The following EDEM1 variants were observed in gnomAD, a reference collection of about 807,000 sequenced individuals.
EDEM1 encodes ER degradation enhancing alpha-mannosidase like protein 1, also known as ER degradation-enhancing alpha-mannosidase-like protein 1.
In EDEM1, 67 loss-of-function variants were observed where a neutral mutation model predicts 74.4. The ratio of observed to expected loss-of-function variants is 0.90; its 90% confidence interval spans 0.74 to 1.10. EDEM1 has a LOEUF of 1.10. Among genes scored for constraint, EDEM1 ranks in the 50% least tolerant of loss-of-function variants. The probability of loss-of-function intolerance (pLI) is 0.00; values close to 1 mark genes in which losing one functional copy is unlikely to be tolerated. For synonymous variants in EDEM1, 382 were observed against 335.9 expected (o/e 1.14, Z -1.50); for missense variants, 926 against 851.6 (o/e 1.09, Z -1.09).
In EDEM1 at chr3:5,208,266, A is replaced by G; in HGVS notation, c.1509+3A>G. 1 of 1,596,900 alleles carries G rather than the reference A, an allele frequency of 6.3e-7. No individual in the cohort carries two copies. The highest frequency in any genetic ancestry group is 8.5e-7 in the Non-Finnish European group (1 of 1,175,454). On this transcript the variant is annotated splice_donor_region_variant and intron_variant, in intron 8 of 11. Transcript: ENST00000256497. ...AATCCACATATCTCCTCTACCAGGT[A>G]CTAGAGTTGTGTTTTTTTTTTTTTC...
At chr3:5,196,092 C>A (rs1342461259) in intron 2 of EDEM1, among the ~76,000 whole-genome samples, 1 of 152,172 alleles carries the variant, frequency 6.6e-6, no homozygotes, top group Non-Finnish European at 1.5e-5. Context: ...CAGTCTAGCC[C>A]AAATGTTGTA....
chr3:5,187,788 C>A lies in EDEM1; in HGVS notation c.-18C>A. On this transcript the variant is annotated 5_prime_UTR_variant, in exon 1 of 12. Coordinates refer to ENST00000256497, the MANE Select transcript of EDEM1 (RefSeq NM_014674.3). ...GGCCCCCGCGCTTTAAAATAATGCC[C>A]GCGGCGCCCGCGCGACCATGCAATG... is the stretch of plus-strand genomic sequence containing the variant. 6.5e-7 allele frequency: 1 copy of A among 1,542,114 alleles called. No homozygotes were observed. Among genetic ancestry groups the A allele is most frequent in the South Asian group, 1.2e-5 (1 of 84,588 alleles).
chr3:5,203,971 A>G (rs1293820724), intron 5 of EDEM1, among the ~76,000 whole-genome samples: 1 of 152,176 alleles, frequency 6.6e-6, no homozygotes. Context: ...AGCGCAAGCA[A>G]TTCTCCCACC....
chr3:5,195,404 T>A, intron 2 of EDEM1, 123 bp downstream of exon 2: 1 of 456,024 alleles, frequency 2.2e-6, no homozygotes. Flanking sequence ...TTAGCTTTGA[T>A]AACTGTTATT....
chr3:5,191,935 A>C lies in EDEM1; in HGVS notation c.510-3274A>C, dbSNP rs142562793. ...AGTTCTGGCTTTTGGGCATGTGACC[A>C]TTCTCAATTTCTTCTCAACTGTATT... On this transcript the variant is annotated intron_variant, in intron 1 of 11. Coordinates refer to ENST00000256497, the MANE Select transcript of EDEM1 (RefSeq NM_014674.3). Among the ~76,000 whole-genome samples, 209 of 152,334 alleles carry C rather than the reference A, an allele frequency of 1.4e-3. 1 individual carries two copies. Among genetic ancestry groups the C allele is most frequent in the African/African-American group, 4.9e-3 (204 of 41,564 alleles).
At chr3:5,201,340 A>T (rs1274498393) in intron 3 of EDEM1, among the ~76,000 whole-genome samples, 1 of 151,558 alleles carries the variant, frequency 6.6e-6, no homozygotes, top group African/African-American at 2.4e-5. Flanking sequence ...TTTTTAATAG[A>T]GACAGGGTCT....
chr3:5,203,573 G>C (rs1490143908), intron 5 of EDEM1, among the ~76,000 whole-genome samples: 1 of 151,956 alleles, frequency 6.6e-6, no homozygotes, highest in Non-Finnish European at 1.5e-5. Flanking sequence ...TGTGAGGTGG[G>C]GTTTTTTCCC....
intron 5 of EDEM1, among the ~76,000 whole-genome samples, chr3:5,203,527 C>T (rs540149233): frequency 1.3e-5 from 2 of 152,094 alleles, no homozygotes; most frequent in South Asian, 2.1e-4. Flanking sequence ...AAAATCTGGG[C>T]CTGTGGTAGT....
At chr3:5,212,416 A>C (rs772865043) in intron 10 of EDEM1, among the ~76,000 whole-genome samples, 2 of 152,184 alleles carry the variant, frequency 1.3e-5, no homozygotes, top group Non-Finnish European at 2.9e-5. Context: ...GCCTAGCTAC[A>C]TATTTCCATC....
chr3:5,199,129 A>G (rs931213109), intron 2 of EDEM1, among the ~76,000 whole-genome samples: 8 of 152,250 alleles, frequency 5.3e-5, no homozygotes, highest in African/African-American at 1.9e-4. Context: ...CAACAAGTTC[A>G]TTCAGTTTTC....
chr3:5,193,489 A>G (rs1416390484), intron 1 of EDEM1, among the ~76,000 whole-genome samples: 1 of 152,092 alleles, frequency 6.6e-6, no homozygotes, highest in Non-Finnish European at 1.5e-5. Flanking sequence ...AACAGGTACA[A>G]TTTTCCAGCC....
At chr3:5,210,853 TG>T (rs1343940051) in intron 9 of EDEM1, among the ~76,000 whole-genome samples, 1 of 152,208 alleles carries the variant, frequency 6.6e-6, no homozygotes, top group Non-Finnish European at 1.5e-5. Flanking sequence ...GTCATTTTCC[TG>T]GTGCCACGTT....
intron 11 of EDEM1, among the ~76,000 whole-genome samples, 159 bp from the exon 12 acceptor site, chr3:5,215,670 G>A (rs2055225766): frequency 6.6e-6 from 1 of 152,208 alleles, no homozygotes; most frequent in South Asian, 2.1e-4. Context: ...GGCAAGGGGT[G>A]CTGCTGACCG....
chr3:5,219,598 G>C lies in EDEM1; in HGVS notation c.*3680G>C, dbSNP rs1215292521. On this transcript the variant is annotated 3_prime_UTR_variant, in exon 12 of 12. Transcript: ENST00000256497. ...TATACCCTCTTCCTTCTTTCTGCAA[G>C]GCAGAGGAATAATATTTTTAAAGGT... 3.9e-5 allele frequency: 6 copies of C among 152,240 alleles called. No homozygotes were observed. Among genetic ancestry groups the C allele is most frequent in the Non-Finnish European group, 2.9e-5 (2 of 68,036 alleles). 9.4% of individuals were successfully genotyped at this position (152,240 alleles called of 1,614,324 possible).
At chr3:5,207,413 T>G in intron 7 of EDEM1, 140 bp downstream of exon 7, 1 of 1,234,612 alleles carries the variant, frequency 8.1e-7, no homozygotes. Context: ...TCTTCATCTC[T>G]CTGTTTGAGA....
chr3:5,195,057 G>A (rs1396924387), intron 1 of EDEM1, 152 bp from the exon 2 acceptor site: 4 of 436,102 alleles, frequency 9.2e-6, no homozygotes, highest in Non-Finnish European at 1.6e-5. Flanking sequence ...TTACTTTGGG[G>A]GTAGAAAGAC....
chr3:5,207,314 GA>G (rs1224000800), intron 7 of EDEM1, 41 bp downstream of exon 7: 2 of 1,609,628 alleles, frequency 1.2e-6, no homozygotes, highest in African/African-American at 2.7e-5. Context: ...CCAATCACCA[GA>G]AAGGGCTTCT....
chr3:5,203,879 G>A (rs1330822845), intron 5 of EDEM1, among the ~76,000 whole-genome samples: 1 of 152,090 alleles, frequency 6.6e-6, no homozygotes, highest in Non-Finnish European at 1.5e-5. Context: ...CGACCGGCTT[G>A]TGCCACCATG....
At chr3:5,209,477 C>G (rs1458881989) in intron 8 of EDEM1, among the ~76,000 whole-genome samples, 2 of 152,210 alleles carry the variant, frequency 1.3e-5, no homozygotes, top group African/African-American at 4.8e-5. Flanking sequence ...CAGCTTTACC[C>G]TCCGAAGCCA....
Sources: allele counts gnomAD v4.1 joint callset (sites outside exome capture counted in the v4.1 genomes callset), GRCh38; gene constraint gnomAD v4.1.1; transcripts MANE v1.5; gene names NCBI Gene and HGNC (gene_info 2026-07-23, HGNC 2026-07-21).